Variants in ANKRD44 observed in about 807,000 individuals in gnomAD.
The protein encoded by ANKRD44 is ankyrin repeat domain 44, also known as serine/threonine-protein phosphatase 6 regulatory ankyrin repeat subunit B.
Under a neutral mutation model 116.0 loss-of-function variants are expected in ANKRD44, and 35 were observed. That is an observed-to-expected ratio of 0.30 (90% CI 0.23 to 0.40). The LOEUF (loss-of-function observed/expected upper bound fraction) is 0.40. ANKRD44 is among the 10% of genes least tolerant of loss of function. The pLI, the probability that ANKRD44 is intolerant of heterozygous loss-of-function variation, is 1.00. For synonymous variants in ANKRD44, 435 were observed against 461.8 expected (o/e 0.94, Z 0.74); for missense variants, 1,014 against 1,242.6 (o/e 0.82, Z 2.77).
chr2:196,982,617 AACTCTACCTTCAAG>A (rs1354465139), downstream of ANKRD44, among the ~76,000 whole-genome samples: 1 of 152,164 alleles, frequency 6.6e-6, no homozygotes, highest in Non-Finnish European at 1.5e-5. Context: ...AAATTCAGTC[AACTCTACCTTCAAG>A]ACATATCCAA....
At chr2:197,263,175 G>A in intron 1 of ANKRD44, 1 of 474,280 alleles carries the variant, frequency 2.1e-6, no homozygotes, top group Non-Finnish European at 4.0e-6. Context: ...CAGCTGCTAA[G>A]CCATCTGCTA....
intron 17 of ANKRD44, among the ~76,000 whole-genome samples, chr2:197,023,639 G>A (rs1244587570): frequency 6.6e-6 from 1 of 152,268 alleles, no homozygotes; most frequent in East Asian, 1.9e-4. Context: ...CAGATTAGTA[G>A]CAGGCTTGGC....
intron 2 of ANKRD44, among the ~76,000 whole-genome samples, chr2:197,159,052 A>C (rs765881298): frequency 6.6e-6 from 1 of 152,126 alleles, no homozygotes; most frequent in Non-Finnish European, 1.5e-5. Flanking sequence ...AACAGAAAGA[A>C]ACTGTGCAAT....
intron 9 of ANKRD44, among the ~76,000 whole-genome samples, chr2:197,110,204 T>C (rs1476268044): frequency 6.6e-6 from 1 of 152,170 alleles, no homozygotes; most frequent in Non-Finnish European, 1.5e-5. Context: ...CTCGAACTCC[T>C]GACCTCAGGT....
At chr2:197,251,490 C>T (rs1574363122) in intron 1 of ANKRD44, among the ~76,000 whole-genome samples, 1 of 152,162 alleles carries the variant, frequency 6.6e-6, no homozygotes, top group Non-Finnish European at 1.5e-5. Context: ...AGAATATACT[C>T]GTTTTCTGAT....
At chr2:197,165,484 A>G (rs2080082513) in intron 2 of ANKRD44, among the ~76,000 whole-genome samples, 1 of 152,236 alleles carries the variant, frequency 6.6e-6, no homozygotes, top group Admixed American at 6.5e-5. Flanking sequence ...GTGGGTCACA[A>G]GAAGTGTCTC....
At chr2:197,249,012 C>T (rs1013762849) in intron 1 of ANKRD44, among the ~76,000 whole-genome samples, 1 of 152,126 alleles carries the variant, frequency 6.6e-6, no homozygotes, top group Admixed American at 6.5e-5. Context: ...GTGGCTCATA[C>T]CTGTAATCCC....
intron 1 of ANKRD44, among the ~76,000 whole-genome samples, chr2:197,197,112 G>GA (rs1040083997): frequency 6.6e-5 from 10 of 152,100 alleles, no homozygotes; most frequent in African/African-American, 2.4e-4. Context: ...TCCCCAGCCA[G>GA]AAAAAGTCAC....
At chr2:197,082,722 C>A (rs2077826967) in intron 14 of ANKRD44, among the ~76,000 whole-genome samples, 1 of 152,174 alleles carries the variant, frequency 6.6e-6, no homozygotes, top group African/African-American at 2.4e-5. Context: ...CAAACAAGGT[C>A]ATCAAAAAGT....
intron 1 of ANKRD44, among the ~76,000 whole-genome samples, chr2:197,279,354 T>A (rs369310967): frequency 6.6e-6 from 1 of 151,830 alleles, no homozygotes; most frequent in Non-Finnish European, 1.5e-5. Context: ...AGCCATTGAG[T>A]CTCTATATAC....
intron 21 of ANKRD44, among the ~76,000 whole-genome samples, chr2:196,979,134 C>A (rs1050987736): frequency 6.6e-6 from 1 of 151,904 alleles, no homozygotes; most frequent in African/African-American, 2.4e-5. Context: ...CGGTGGCTCA[C>A]GCCTGTAATC....
At chr2:197,283,549 T>C (rs1442400342) in intron 1 of ANKRD44, among the ~76,000 whole-genome samples, 1 of 152,222 alleles carries the variant, frequency 6.6e-6, no homozygotes. Context: ...TTAATTATGG[T>C]AAATATTTAA....
At chr2:197,260,525 T>C (rs2082573324) in intron 1 of ANKRD44, among the ~76,000 whole-genome samples, 1 of 152,124 alleles carries the variant, frequency 6.6e-6, no homozygotes, top group African/African-American at 2.4e-5. Flanking sequence ...CTATTGTGAA[T>C]AGTGCCGCTA....
At chr2:196,976,953 A>G (rs547979404) in intron 21 of ANKRD44, among the ~76,000 whole-genome samples, 20 of 152,266 alleles carry the variant, frequency 1.3e-4, no homozygotes, top group South Asian at 4.1e-4. Flanking sequence ...CTGAAAAACT[A>G]TTAGTGTTCA....
Position 197,187,120 on chromosome 2 carries a change from A to G in ANKRD44, c.28-14T>C. The G allele has an allele frequency of 6.2e-7, 1 of 1,613,564 alleles. No individual in the cohort carries two copies. Among genetic ancestry groups the G allele is most frequent in the Non-Finnish European group, 8.5e-7 (1 of 1,179,506 alleles). On this transcript the variant is annotated splice_polypyrimidine_tract_variant and intron_variant, in intron 1 of 27. Transcript: ENST00000282272. The stretch of plus-strand genomic sequence containing the variant: ...AACCAATGGTGGCTGCAAACACAAG[A>G]GAATGGGAATCAGAACTAAAATTAA...
At chr2:197,190,352 C>T (rs1057225328) in intron 1 of ANKRD44, among the ~76,000 whole-genome samples, 1 of 152,180 alleles carries the variant, frequency 6.6e-6, no homozygotes, top group Non-Finnish European at 1.5e-5. Context: ...ACTGAGACAT[C>T]GCCTTCACAA....
chr2:197,014,285 G>C (rs932889787), intron 17 of ANKRD44, among the ~76,000 whole-genome samples: 5 of 152,180 alleles, frequency 3.3e-5, no homozygotes, highest in African/African-American at 9.7e-5. Flanking sequence ...TATAAGATGA[G>C]AGCAATCAAA....
At chr2:197,182,255 T>A (rs1248847221) in intron 2 of ANKRD44, among the ~76,000 whole-genome samples, 1 of 152,158 alleles carries the variant, frequency 6.6e-6, no homozygotes, top group Admixed American at 6.5e-5. Context: ...TGTACAATGA[T>A]CATCCCATAT....
intron 20 of ANKRD44, 46 bp from the exon 21 acceptor site, chr2:197,005,956 A>G: frequency 6.3e-7 from 1 of 1,591,814 alleles, no homozygotes; most frequent in East Asian, 2.2e-5. Flanking sequence ...CAGAAGACTA[A>G]GGAAGCAAAG....
Sources: allele counts gnomAD v4.1 joint callset (sites outside exome capture counted in the v4.1 genomes callset), GRCh38; gene constraint gnomAD v4.1.1; transcripts MANE v1.5; gene names NCBI Gene and HGNC (gene_info 2026-07-23, HGNC 2026-07-21).